Variants in BICDL1 observed in about 807,000 individuals in gnomAD.
The protein encoded by BICDL1 is BICD family like cargo adaptor 1.
A neutral mutation model predicts 76.8 loss-of-function variants in BICDL1; 20 were observed. The ratio of observed to expected loss-of-function variants is 0.26; its 90% CI spans 0.18 to 0.38. The LOEUF is 0.38. Ranked by LOEUF, BICDL1 falls within the 10% of genes least tolerant of loss-of-function variation. The pLI is 1.00. For synonymous variants in BICDL1, 383 were observed against 337.1 expected (o/e 1.14, Z -1.49); for missense variants, 700 against 798.6 (o/e 0.88, Z 1.49).
chr12:120,003,016 G>T (rs910020514), intron 2 of BICDL1, among the ~76,000 whole-genome samples: 2 of 152,126 alleles, frequency 1.3e-5, no homozygotes, highest in Non-Finnish European at 2.9e-5. Context: ...AATTAGCTGG[G>T]CATGGTATCG....
Position 120,071,780 on chromosome 12 carries a change from G to C in BICDL1, c.1068G>C (p.Glu356Asp). Residue 356 changes from glutamate (E) to aspartate (D), a missense_variant, in exon 5 of 10, where the codon GAG becomes GAC. Physicochemically the swap from Glu to Asp is conservative, Grantham distance 45. Coordinates refer to ENST00000548673, the MANE Select transcript of BICDL1 (RefSeq NM_001367886.1). This position sits in a 1 kb window ranked among gnomAD's most constrained non-coding sequence, Gnocchi z 4.8. ...TCGAGCAGAGCATGGAGGCTGAGGA[G>C]CTGGAGCAGGAGCGAGAGCAGGTGC... is the stretch of plus-strand genomic sequence containing the variant. ...SEIEQSMEAE[E>D]LEQEREQLRL... 6.2e-7 allele frequency: 1 copy of C among 1,609,538 alleles called. No individual in the cohort carries two copies. Among genetic ancestry groups the C allele is most frequent in the Non-Finnish European group, 8.5e-7 (1 of 1,178,800 alleles).
chr12:120,073,173 C>T (rs573379451), intron 6 of BICDL1, among the ~76,000 whole-genome samples: 22 of 152,324 alleles, frequency 1.4e-4, no homozygotes, highest in African/African-American at 4.3e-4. Context: ...CACGCCAGGC[C>T]GTGAGCCCTT....
intron 2 of BICDL1, among the ~76,000 whole-genome samples, chr12:120,005,621 G>A (rs539711174): frequency 6.6e-6 from 1 of 152,144 alleles, no homozygotes; most frequent in African/African-American, 2.4e-5. Context: ...GATCCACCTC[G>A]GCCTCCCAAA....
chr12:119,998,954 G>A (rs1255304715), intron 2 of BICDL1, among the ~76,000 whole-genome samples: 5 of 151,546 alleles, frequency 3.3e-5, no homozygotes, highest in Admixed American at 2.6e-4. Context: ...CTACTTGGGA[G>A]GCTGAGGTGG....
intron 2 of BICDL1, among the ~76,000 whole-genome samples, chr12:120,027,147 C>T (rs7964299): frequency 0.086 from 12,900 of 150,478 alleles, 657 homozygotes; most frequent in African/African-American, 0.14. Context: ...TCTCGTGCCT[C>T]AGCCTCCCGA....
intron 2 of BICDL1, among the ~76,000 whole-genome samples, chr12:120,033,581 C>T (rs530410606): frequency 1.3e-5 from 2 of 151,958 alleles, no homozygotes; most frequent in South Asian, 4.2e-4. Context: ...CAGGGTTTCA[C>T]CGTGTTAGCC....
intron 2 of BICDL1, among the ~76,000 whole-genome samples, chr12:120,043,336 G>A (rs16949897): frequency 0.023 from 3,536 of 152,220 alleles, 146 homozygotes; most frequent in African/African-American, 0.081. Context: ...ATTTTGGGGC[G>A]TGCCTATTTA....
intron 9 of BICDL1, chr12:120,091,142 T>C: frequency 3.3e-6 from 4 of 1,221,330 alleles, no homozygotes; most frequent in Non-Finnish European, 3.1e-6. Flanking sequence ...CTGTGCAGTG[T>C]GACATGCCCT....
intron 1 of BICDL1, among the ~76,000 whole-genome samples, chr12:119,998,220 G>T (rs1951691064): frequency 6.6e-6 from 1 of 152,176 alleles, no homozygotes; most frequent in Admixed American, 6.5e-5. Context: ...CAATTGATTA[G>T]ATGATTGGCA....
chr12:120,092,057 T>G (rs1192558525), intron 9 of BICDL1: 1 of 985,356 alleles, frequency 1.0e-6, no homozygotes, highest in African/African-American at 1.7e-5. Context: ...AGCAGACACA[T>G]GTTACATTTA....
intron 8 of BICDL1, among the ~76,000 whole-genome samples, chr12:120,083,598 C>T (rs1348962006): frequency 1.3e-5 from 2 of 151,618 alleles, no homozygotes; most frequent in African/African-American, 4.8e-5. Context: ...AATGTGTCTA[C>T]TTTGGGGTCA....
chr12:120,059,076 G>T (rs1474520737), intron 2 of BICDL1, among the ~76,000 whole-genome samples: 2 of 147,884 alleles, frequency 1.4e-5, no homozygotes, highest in South Asian at 2.2e-4. Context: ...GCCAAAGTTG[G>T]TTTTTTTTTT....
rs116406569 is a variant in BICDL1 at position 120,076,669 on chromosome 12, G to C, written c.1452+2083G>C. On this transcript the variant is annotated intron_variant, in intron 7 of 9. Transcript: ENST00000548673. ...GGAAGGTTGTACTCATGTCCCACGC[G>C]GGGTATAGAATTGGACTTCTGTAGG... is the stretch of plus-strand genomic sequence containing the variant. Among the ~76,000 whole-genome samples the C allele has an allele frequency of 3.6e-3, 551 of 152,250 alleles. 3 individuals are homozygous for C. The highest frequency in any genetic ancestry group is 0.013 in the African/African-American group (534 of 41,530).
chr12:120,057,315 A>AT (rs898403028), intron 2 of BICDL1: 1 of 307,304 alleles, frequency 3.3e-6, no homozygotes, highest in Non-Finnish European at 6.3e-6. Context: ...ATTTGATTCA[A>AT]TTTTTTGTCT....
chr12:120,032,407 T>C (rs1952441190), intron 2 of BICDL1, among the ~76,000 whole-genome samples: 1 of 152,202 alleles, frequency 6.6e-6, no homozygotes, highest in South Asian at 2.1e-4. Flanking sequence ...AGCTGACTGG[T>C]GGGTTAAAGA....
chr12:120,090,208 A>T, intron 9 of BICDL1, 137 bp downstream of exon 9: 1 of 1,031,092 alleles, frequency 9.7e-7, no homozygotes, highest in South Asian at 1.6e-5. Context: ...TTCACCTGGC[A>T]AGATCCAGAG....
chr12:119,998,232 A>G lies in BICDL1; in HGVS notation c.430-289A>G, dbSNP rs534619684. On this transcript the variant is annotated intron_variant, in intron 1 of 9. Transcript: ENST00000548673. ...CACCAATTGATTAGATGATTGGCAA[A>G]TTTCAAGTGAACTCCCTAGTCTAGA... is the stretch of plus-strand genomic sequence containing the variant. Among the ~76,000 whole-genome samples, 15 of 152,304 alleles carry G rather than the reference A, an allele frequency of 9.8e-5. No homozygotes were observed. The East Asian group carries it at 2.9e-3, about 29-fold the overall frequency.
intron 2 of BICDL1, among the ~76,000 whole-genome samples, chr12:120,008,613 C>T (rs907518515): frequency 6.6e-6 from 1 of 151,984 alleles, no homozygotes; most frequent in Non-Finnish European, 1.5e-5. Context: ...AAATAAAAAC[C>T]ACTTCATATG....
At position 120,083,546 on chromosome 12, in the gene BICDL1, A is replaced by AG. The variant is rs1271324565; in HGVS notation, c.1583+2530dup. ...ATTATAAGCAAGAGCCACGGTGCCCAGCCCCACCCTGTTCAAGGAGTGTGA... is the reference window on the plus strand; with the variant it reads ...ATTATAAGCAAGAGCCACGGTGCCCAGGCCCCACCCTGTTCAAGGAGTGTGA... On this transcript the variant is annotated intron_variant, in intron 8 of 9. Coordinates refer to ENST00000548673, the MANE Select transcript of BICDL1 (RefSeq NM_001367886.1). Among the ~76,000 whole-genome samples the AG allele has an allele frequency of 2.6e-5, 4 of 152,160 alleles. No homozygotes were observed. The East Asian group carries it at 7.7e-4, about 29-fold the overall frequency.
Sources: allele counts gnomAD v4.1 joint callset (sites outside exome capture counted in the v4.1 genomes callset), GRCh38; gene constraint gnomAD v4.1.1; non-coding constraint Gnocchi (gnomAD v3.1); transcripts MANE v1.5; gene names NCBI Gene and HGNC (gene_info 2026-07-23, HGNC 2026-07-21).